SHANK2: variants seen among roughly 807,000 people sequenced by gnomAD.
SHANK2 encodes SH3 and multiple ankyrin repeat domains protein 2.
A neutral mutation model predicts 133.7 loss-of-function variants in SHANK2; 43 were observed. The observed-to-expected ratio is 0.32, with a 90% CI of 0.25 to 0.41. SHANK2 has a LOEUF of 0.41. Ranked by LOEUF, SHANK2 falls within the 10% of genes least tolerant of loss-of-function variation. The pLI is 1.00. For synonymous variants in SHANK2, 1,017 were observed against 952.8 expected (o/e 1.07, Z -1.24); for missense variants, 1,994 against 2,235.8 (o/e 0.89, Z 2.18).
intron 8 of SHANK2, among the ~76,000 whole-genome samples, chr11:71,083,804 T>C (rs1443751191): frequency 3.9e-5 from 6 of 152,126 alleles, no homozygotes; most frequent in Non-Finnish European, 7.3e-5. Flanking sequence ...AAATACAGAA[T>C]GAATACCCCC....
chr11:71,235,595 G>C (rs1954816930), intron 1 of SHANK2, among the ~76,000 whole-genome samples: 1 of 93,396 alleles, frequency 1.1e-5, no homozygotes, highest in Non-Finnish European at 1.8e-5. Context: ...CTCTCTCTCG[G>C]GGAAAAAAAA....
chr11:70,765,763 C>A (rs1304031509), intron 14 of SHANK2, among the ~76,000 whole-genome samples: 1 of 152,174 alleles, frequency 6.6e-6, no homozygotes, highest in Non-Finnish European at 1.5e-5. Context: ...TGGGGCAAGT[C>A]CCTCCCCAGC....
intron 8 of SHANK2, among the ~76,000 whole-genome samples, chr11:71,076,752 T>C (rs1951225381): frequency 6.6e-6 from 1 of 152,224 alleles, no homozygotes; most frequent in Non-Finnish European, 1.5e-5. Flanking sequence ...CTCCCCACCC[T>C]GCTCCTGCAG....
intron 8 of SHANK2, among the ~76,000 whole-genome samples, chr11:71,078,878 C>G (rs1951254990): frequency 6.6e-6 from 1 of 152,264 alleles, no homozygotes; most frequent in Admixed American, 6.5e-5. Flanking sequence ...TGGGGCAGCC[C>G]TGCTCTGCAA....
At chr11:71,078,796 C>A (rs1343167320) in intron 8 of SHANK2, among the ~76,000 whole-genome samples, 2 of 152,220 alleles carry the variant, frequency 1.3e-5, no homozygotes, top group East Asian at 3.8e-4. Context: ...CCATAATTTG[C>A]ATGTAATTAA....
At chr11:70,534,637 T>C (rs528965232) in intron 17 of SHANK2, among the ~76,000 whole-genome samples, 5 of 152,248 alleles carry the variant, frequency 3.3e-5, no homozygotes, top group African/African-American at 1.2e-4. Context: ...CAGGCTGGCT[T>C]CAACAAATGC....
chr11:71,098,841 G>A (rs58902834), intron 6 of SHANK2, among the ~76,000 whole-genome samples: 5,089 of 152,086 alleles, frequency 0.033, 274 homozygotes, highest in African/African-American at 0.12. Context: ...CCCCCACCCC[G>A]ATCCCCTTAT....
intron 10 of SHANK2, among the ~76,000 whole-genome samples, chr11:70,902,145 A>T (rs994265515): frequency 2.6e-5 from 4 of 152,252 alleles, no homozygotes; most frequent in Non-Finnish European, 5.9e-5. Flanking sequence ...ACTGGACAGC[A>T]GAGCAGCAGG....
At chr11:70,668,861 A>G (rs922771161) in intron 15 of SHANK2, 2 of 152,294 alleles carry the variant, frequency 1.3e-5, no homozygotes, top group Non-Finnish European at 2.9e-5. Context: ...GCAGCTGACC[A>G]CACGGGGCTG....
intron 17 of SHANK2, among the ~76,000 whole-genome samples, chr11:70,659,081 C>A (rs990482464): frequency 1.3e-5 from 2 of 152,134 alleles, no homozygotes; most frequent in Admixed American, 1.3e-4. Context: ...AAACTGAACA[C>A]CTAAACTCAC....
At chr11:70,852,091 A>G (rs1949094970) in intron 11 of SHANK2, among the ~76,000 whole-genome samples, 2 of 152,196 alleles carry the variant, frequency 1.3e-5, no homozygotes, top group Admixed American at 1.3e-4. Flanking sequence ...CTACTGCAGG[A>G]GTCCCCTGGC....
chr11:70,869,900 GC>G (rs1214330811), intron 11 of SHANK2, among the ~76,000 whole-genome samples: 29 of 152,254 alleles, frequency 1.9e-4, no homozygotes, highest in Non-Finnish European at 1.2e-4. Context: ...CCTCCCCTCT[GC>G]CTGAAGCTCC....
At chr11:70,859,913 G>A (rs1214801107) in intron 11 of SHANK2, among the ~76,000 whole-genome samples, 2 of 152,272 alleles carry the variant, frequency 1.3e-5, no homozygotes, top group East Asian at 3.9e-4. Flanking sequence ...ATGACCCGGG[G>A]TCCAGCTCAC....
intron 17 of SHANK2, among the ~76,000 whole-genome samples, chr11:70,542,485 C>T (rs1331656145): frequency 6.6e-6 from 1 of 152,156 alleles, no homozygotes; most frequent in African/African-American, 2.4e-5. Flanking sequence ...TTCTGGCCTC[C>T]GAACTGTGAG....
chr11:71,068,863 A>T (rs1251974963), intron 9 of SHANK2, among the ~76,000 whole-genome samples: 1 of 151,798 alleles, frequency 6.6e-6, no homozygotes. Flanking sequence ...GACCACTGTC[A>T]TCACCATCAT....
chr11:71,198,932 C>T (rs1197414829), intron 2 of SHANK2, among the ~76,000 whole-genome samples: 1 of 152,156 alleles, frequency 6.6e-6, no homozygotes, highest in Non-Finnish European at 1.5e-5. Context: ...GGCCCAGCAT[C>T]GATGGTCATG....
In SHANK2 at chr11:70,502,911, G is replaced by C. The variant is rs2059081777; in HGVS notation, c.2082C>G (p.Val694=). ...TCACCACCTGCCTGTGGCCGACTTT[G>C]ACAACATTCTCATTGTTAACCTGTG... The part of the protein sequence containing the change: ...FLIEVNNENV[V]KVGHRQVVNM... Residue 694 remains valine, a synonymous_variant, in exon 18 of 26, where the codon GTC becomes GTG. Transcript: ENST00000601538. 3 of 1,614,150 alleles carry C rather than the reference G, an allele frequency of 1.9e-6. No individual in the cohort carries two copies. The highest frequency in any genetic ancestry group is 2.5e-6 in the Non-Finnish European group (3 of 1,180,032).
In SHANK2 at chr11:70,711,302, G is replaced by A. The variant is rs782136259; in HGVS notation, c.1778-12539C>T. ...CAACGTGGCTGGGCTGTCCAGCTCC[G>A]AATCCCCCCAGTGCTGCACCCGAAC... On this transcript the variant is annotated intron_variant, in intron 14 of 25. Transcript: ENST00000601538. Among the ~76,000 whole-genome samples, 91 of 152,250 alleles carry A rather than the reference G, an allele frequency of 6.0e-4. No homozygotes were observed. The Middle Eastern group carries it at 0.01, about 17-fold the overall frequency.
chr11:70,509,808 T>C (rs2059178943), intron 17 of SHANK2, among the ~76,000 whole-genome samples: 1 of 152,236 alleles, frequency 6.6e-6, no homozygotes, highest in Admixed American at 6.5e-5. Context: ...CTTTGCCCTT[T>C]CTGTCCTGTG....
Sources: allele counts gnomAD v4.1 joint callset (sites outside exome capture counted in the v4.1 genomes callset), GRCh38; gene constraint gnomAD v4.1.1; transcripts MANE v1.5; gene names NCBI Gene and HGNC (gene_info 2026-07-23, HGNC 2026-07-21).